Variants in KIF13B observed in about 807,000 individuals in gnomAD.
KIF13B encodes kinesin-like protein KIF13B.
Under a neutral mutation model 222.0 loss-of-function variants are expected in KIF13B, and 127 were observed. The ratio of observed to expected loss-of-function variants is 0.57; its 90% CI spans 0.50 to 0.66. The LOEUF (loss-of-function observed/expected upper bound fraction) is 0.66. Among genes scored for constraint, KIF13B ranks in the 30% least tolerant of loss-of-function variants. The pLI, the probability that KIF13B is intolerant of heterozygous loss-of-function variation, is 0.00. For missense variants in KIF13B, 2,173 were observed against 2,379.0 expected (o/e 0.91, Z 1.80); for synonymous variants, 976 against 919.0 (o/e 1.06, Z -1.12).
chr8:29,142,422 T>G, intron 18 of KIF13B, 119 bp from the exon 19 acceptor site: 1 of 837,828 alleles, frequency 1.2e-6, no homozygotes, highest in Non-Finnish European at 1.8e-6. Context: ...CAATCATCCT[T>G]TAATCTGTTG....
At chr8:29,082,534 C>T (rs1328772543) in intron 37 of KIF13B, among the ~76,000 whole-genome samples, 2 of 151,990 alleles carry the variant, frequency 1.3e-5, no homozygotes, top group East Asian at 1.9e-4. Flanking sequence ...CCCAGCTACT[C>T]GAGAGGCTGA....
At chr8:29,155,656 CT>C in intron 14 of KIF13B, 69 bp downstream of exon 14, 1 of 1,364,340 alleles carries the variant, frequency 7.3e-7, no homozygotes, top group Admixed American at 2.0e-5. Flanking sequence ...ACAAAGGCCA[CT>C]GTTGCCACTA....
intron 36 of KIF13B, among the ~76,000 whole-genome samples, chr8:29,096,378 C>T (rs1244763699): frequency 1.4e-5 from 2 of 147,940 alleles, no homozygotes; most frequent in Non-Finnish European, 3.0e-5. Context: ...TGCCTCACTG[C>T]AGCCTCAACC....
intron 37 of KIF13B, among the ~76,000 whole-genome samples, chr8:29,087,335 C>T (rs542396281): frequency 1.3e-5 from 2 of 152,126 alleles, no homozygotes; most frequent in African/African-American, 2.4e-5. Context: ...TAGTCTCAAA[C>T]GCAGAGAGAT....
chr8:29,220,078 T>G (rs1814673324), intron 2 of KIF13B, among the ~76,000 whole-genome samples: 1 of 151,962 alleles, frequency 6.6e-6, no homozygotes, highest in Non-Finnish European at 1.5e-5. Context: ...AAATAAAAAA[T>G]GAAATGAAAG....
intron 2 of KIF13B, among the ~76,000 whole-genome samples, chr8:29,232,372 G>GACC (rs1815322930): frequency 6.7e-6 from 1 of 149,632 alleles, no homozygotes; most frequent in East Asian, 1.9e-4. Flanking sequence ...AGGAGTTCAA[G>GACC]ACCAGCCTGG....
In KIF13B at chr8:29,142,227, T is replaced by C. The variant is rs774791887; in HGVS notation, c.2264A>G (p.Lys755Arg). Reference protein sequence around the residue: ...GKGKQIWSLEKLDNRLLDMRD... With the variant: ...GKGKQIWSLERLDNRLLDMRD... ...CATATCCAACAGCCTGTTGTCCAGT[T>C]TTTCCAAAGACCAAATCTGCTTTCC... The change falls in exon 19 of 40, where the codon AAA becomes AGA. Residue 755 changes from lysine (K) to arginine (R), a missense_variant. Physicochemically the swap from Lys to Arg is conservative, Grantham distance 26. Around this residue, in one of 2 missense-constraint regions of KIF13B, gnomAD observed 1,480 missense variants for 1,722.8 expected, o/e 0.86. Transcript: ENST00000524189. 6.2e-7 allele frequency: 1 copy of C among 1,613,820 alleles called. No homozygotes were observed. The highest frequency in any genetic ancestry group is 8.5e-7 in the Non-Finnish European group (1 of 1,179,760).
At position 29,070,561 on chromosome 8, in the gene KIF13B, C is replaced by T. The variant is rs755579303; in HGVS notation, c.5424G>A (p.Leu1808=). 1 of 1,607,876 alleles carries T rather than the reference C, an allele frequency of 6.2e-7. No homozygotes were observed. Among genetic ancestry groups the T allele is most frequent in the Non-Finnish European group, 8.5e-7 (1 of 1,177,710 alleles). The change falls in exon 40 of 40, where the codon CTG becomes CTA. Residue 1808 remains leucine, a synonymous_variant. Coordinates refer to ENST00000524189, the MANE Select transcript of KIF13B (RefSeq NM_015254.4). The surrounding 1 kb of genome is among the most constrained non-coding windows in gnomAD (Gnocchi z 4.1). The stretch of plus-strand genomic sequence containing the variant: ...TCTTGTGGCTCCTGTCGGCCTTGGC[C>T]AGGGCAGCTGTCAGCGAGGCCAGGT... ...ATNLASLTAA[L]AKADRSHKNP...
At chr8:29,106,408 G>T (rs2133597744) in intron 35 of KIF13B, among the ~76,000 whole-genome samples, 1 of 152,286 alleles carries the variant, frequency 6.6e-6, no homozygotes, top group East Asian at 1.9e-4. Context: ...AAGGCGGACA[G>T]ATCACTTGAG....
At chr8:29,211,417 G>C (rs1814218492) in intron 2 of KIF13B, among the ~76,000 whole-genome samples, 1 of 49,186 alleles carries the variant, frequency 2.0e-5, no homozygotes, top group Non-Finnish European at 5.2e-5. Context: ...CGACTGCCCA[G>C]GTTTTCTGCC....
chr8:29,262,001 T>C (rs1180073021), intron 1 of KIF13B, among the ~76,000 whole-genome samples: 1 of 152,220 alleles, frequency 6.6e-6, no homozygotes, highest in Non-Finnish European at 1.5e-5. Context: ...ACTTAAATGA[T>C]TCTAATTAGT....
At position 29,160,871 on chromosome 8, in the gene KIF13B, T is replaced by C; in HGVS notation, c.1270-4A>G. On this transcript the variant is annotated splice_region_variant and splice_polypyrimidine_tract_variant and intron_variant, in intron 12 of 39. Transcript: ENST00000524189. Reference sequence around the variant, plus strand: ...TCTCAAGCTGTTTCTGTCGTTCCTGTAAATGTTATCAGAGAAGTATTAATT... The same window carrying C: ...TCTCAAGCTGTTTCTGTCGTTCCTGCAAATGTTATCAGAGAAGTATTAATT... 6.2e-7 allele frequency: 1 copy of C among 1,612,600 alleles called. No individual in the cohort carries two copies. Among genetic ancestry groups the C allele is most frequent in the East Asian group, 2.2e-5 (1 of 44,812 alleles).
intron 24 of KIF13B, among the ~76,000 whole-genome samples, chr8:29,128,609 G>C (rs73556696): frequency 3.9e-5 from 6 of 152,134 alleles, no homozygotes; most frequent in Non-Finnish European, 7.3e-5. Flanking sequence ...AGCACTTTCC[G>C]AAGTGATCTA....
intron 37 of KIF13B, among the ~76,000 whole-genome samples, chr8:29,076,031 G>C (rs1807542973): frequency 6.6e-6 from 1 of 152,212 alleles, no homozygotes; most frequent in South Asian, 2.1e-4. Context: ...CACAGGAAAG[G>C]GCCTGGTTAC....
At chr8:29,099,039 A>C (rs1206388775) in intron 36 of KIF13B, 94 bp downstream of exon 36, 4 of 948,004 alleles carry the variant, frequency 4.2e-6, no homozygotes, top group Non-Finnish European at 5.2e-6. Flanking sequence ...ATTATCTAGC[A>C]GAACAGTGGC....
Position 29,070,499 on chromosome 8 carries a change from G to C in KIF13B, c.*5C>G. 1 of 1,609,858 alleles carries C rather than the reference G, an allele frequency of 6.2e-7. No homozygotes were observed. Among genetic ancestry groups the C allele is most frequent in the Admixed American group, 1.7e-5 (1 of 59,724 alleles). ...CCCCAGAAAAGTTCGCCCTAAGGCA[G>C]CGGCTCAGCTGGCCCAGGATTTCCG... is the stretch of plus-strand genomic sequence containing the variant. On this transcript the variant is annotated 3_prime_UTR_variant, in exon 40 of 40. Coordinates refer to ENST00000524189, the MANE Select transcript of KIF13B (RefSeq NM_015254.4). The surrounding 1 kb of genome is among the most constrained non-coding windows in gnomAD (Gnocchi z 4.1).
In KIF13B at chr8:29,127,972, G is replaced by GA. The variant is rs143920298; in HGVS notation, c.3076-705dup. Among the ~76,000 whole-genome samples, 741 of 151,118 alleles carry GA rather than the reference G, an allele frequency of 4.9e-3. 11 individuals are homozygous for GA. The highest frequency in any genetic ancestry group is 0.043 in the East Asian group (223 of 5,158). ...ATACAGTTGTTAAAGTATTACTGTAGAAAAACATATGACATGTTAAAGTAC... is the reference window on the plus strand; with the variant it reads ...ATACAGTTGTTAAAGTATTACTGTAGAAAAAACATATGACATGTTAAAGTAC... On this transcript the variant is annotated intron_variant, in intron 24 of 39. Transcript: ENST00000524189.
intron 1 of KIF13B, among the ~76,000 whole-genome samples, chr8:29,250,290 C>A (rs1327543800): frequency 6.6e-6 from 1 of 152,180 alleles, no homozygotes; most frequent in Non-Finnish European, 1.5e-5. Flanking sequence ...TAGTGCAGTT[C>A]CTTCATTTCA....
At chr8:29,108,268 C>A in intron 34 of KIF13B, 76 bp from the exon 35 acceptor site, 1 of 1,407,274 alleles carries the variant, frequency 7.1e-7, no homozygotes, top group Admixed American at 2.0e-5. Context: ...CCAGTCTTTG[C>A]CAACCCAGTC....
Sources: allele counts gnomAD v4.1 joint callset (sites outside exome capture counted in the v4.1 genomes callset), GRCh38; gene constraint gnomAD v4.1.1; regional missense constraint gnomAD v4.1.1; non-coding constraint Gnocchi (gnomAD v3.1); transcripts MANE v1.5; gene names NCBI Gene and HGNC (gene_info 2026-07-23, HGNC 2026-07-21).